AGBL1: variants seen among roughly 807,000 people sequenced by gnomAD.
The protein encoded by AGBL1 is cytosolic carboxypeptidase 4.
AGBL1 carries 130 observed loss-of-function variants against 118.9 expected under a neutral mutation model. That is an observed-to-expected ratio of 1.09 (90% CI 0.95 to 1.26). The LOEUF (loss-of-function observed/expected upper bound fraction) is 1.26. AGBL1 is among the 50% of genes most tolerant of loss of function. The pLI, the probability that AGBL1 is intolerant of heterozygous loss-of-function variation, is 0.00. For synonymous variants in AGBL1, 555 were observed against 478.9 expected, an observed-to-expected ratio of 1.16 and a Z score of -2.08; for missense variants, 1,584 against 1,298.1, an observed-to-expected ratio of 1.22 and a Z score of -3.38.
chr15:86,247,825 C>T lies in AGBL1; in HGVS notation c.681C>T (p.Gly227=). ...CLRHIAALRS[G]REAFLAAQGM... ...GGCACATTGCTGCCCTCCGGTCCGG[C>T]AGGGAGGCCTTCCTGGCAGCACAGG... The change falls in exon 7 of 23, where the codon GGC becomes GGT. Residue 227 remains glycine (G), a synonymous_variant. Coordinates refer to ENST00000614907, the MANE Select transcript of AGBL1 (RefSeq NM_001386094.1). 1 of 1,613,968 alleles carries T rather than the reference C, an allele frequency of 6.2e-7. No homozygotes were observed. Among genetic ancestry groups the T allele is most frequent in the South Asian group, 1.1e-5 (1 of 91,082 alleles).
At chr15:86,258,540 A>C (rs2142018029) in intron 9 of AGBL1, among the ~76,000 whole-genome samples, 1 of 152,292 alleles carries the variant, frequency 6.6e-6, no homozygotes, top group East Asian at 1.9e-4. Context: ...CCCTCCCAAA[A>C]AGGCCTATTC....
intron 23 of AGBL1, among the ~76,000 whole-genome samples, chr15:86,979,500 CG>C (rs201471702): frequency 1.4e-5 from 2 of 146,068 alleles, no homozygotes; most frequent in East Asian, 2.0e-4. Context: ...TTTTTTTTGG[CG>C]GGGGGGAGAT....
rs34530266 is a variant in AGBL1, at chr15:86,739,443, CAAAAAA to C, written c.3158+65024_3158+65029del. ...GGGCAACAAGAGCGAAACTCCATCTCAAAAAAAAAAAAAAAAAAAAAAGTAAAAGAG... is the reference window on the plus strand; with the variant it reads ...GGGCAACAAGAGCGAAACTCCATCTCAAAAAAAAAAAAAAAAGTAAAAGAG... On this transcript the variant is annotated intron_variant, in intron 22 of 22. Transcript: ENST00000614907. Among the ~76,000 whole-genome samples, 25 of 66,612 alleles carry C rather than the reference CAAAAAA, an allele frequency of 3.8e-4. No homozygotes were observed. The East Asian group carries it at 8.3e-3, about 22-fold the overall frequency. The allele number at this position is 66,612 out of a possible 152,430, so 43.7% of individuals were successfully genotyped here. A position where few individuals can be genotyped will look rare whatever the true frequency, so the allele number is the denominator to read the frequency against.
chr15:86,680,074 A>G (rs1400073743), intron 22 of AGBL1, among the ~76,000 whole-genome samples: 2 of 152,186 alleles, frequency 1.3e-5, no homozygotes, highest in African/African-American at 2.4e-5. Flanking sequence ...TGCCTGTAAA[A>G]TCATCTGTGT....
intron 18 of AGBL1, among the ~76,000 whole-genome samples, chr15:86,452,781 A>G (rs891907487): frequency 6.6e-6 from 1 of 151,940 alleles, no homozygotes. Flanking sequence ...CACCCTTGCT[A>G]TTTCTGCCCA....
At chr15:86,483,132 C>T (rs1171309359) in intron 18 of AGBL1, among the ~76,000 whole-genome samples, 2 of 152,084 alleles carry the variant, frequency 1.3e-5, no homozygotes, top group East Asian at 3.9e-4. Context: ...CTGCATGCCT[C>T]TCCATGGGGC....
chr15:86,139,652 G>A (rs2076935331), intron 1 of AGBL1, among the ~76,000 whole-genome samples: 2 of 152,060 alleles, frequency 1.3e-5, no homozygotes, highest in Admixed American at 6.5e-5. Context: ...AGTATCTAGG[G>A]ATCCCTAGAG....
chr15:86,119,281 G>C (rs776484370), intron 1 of AGBL1, among the ~76,000 whole-genome samples: 1 of 151,882 alleles, frequency 6.6e-6, no homozygotes, highest in Non-Finnish European at 1.5e-5. Context: ...TGTGTCTCCT[G>C]AGTGAACTGG....
rs531338983 is a variant in AGBL1 at position 86,363,029 on chromosome 15, G to C, written c.2375-34337G>C. Among the ~76,000 whole-genome samples, 229 of 152,306 alleles carry C rather than the reference G, an allele frequency of 1.5e-3. 1 individual carries two copies. The highest frequency in any genetic ancestry group is 5.3e-3 in the African/African-American group (219 of 41,560). ...GCTGGTTGCAGGATGGTGGCCAAGT[G>C]AGGCTGGAGCTGAGTCTACAGGGGA... On this transcript the variant is annotated intron_variant, in intron 17 of 22. Coordinates refer to ENST00000614907, the MANE Select transcript of AGBL1 (RefSeq NM_001386094.1).
intron 5 of AGBL1, among the ~76,000 whole-genome samples, chr15:86,171,875 A>G (rs1298816255): frequency 6.6e-6 from 1 of 152,236 alleles, no homozygotes. Flanking sequence ...AAGAAACAAA[A>G]TAGTGGCATT....
intron 21 of AGBL1, among the ~76,000 whole-genome samples, chr15:86,662,978 A>G (rs1484107670): frequency 1.3e-5 from 2 of 152,218 alleles, no homozygotes; most frequent in Non-Finnish European, 2.9e-5. Flanking sequence ...TCATCTTCCA[A>G]GAACACTGGA....
chr15:86,100,813 A>C (rs1344272969), intron 1 of AGBL1, among the ~76,000 whole-genome samples: 2 of 152,080 alleles, frequency 1.3e-5, no homozygotes, highest in Non-Finnish European at 2.9e-5. Context: ...TCTTTCAAAA[A>C]ATGAAATTTT....
chr15:86,927,922 A>G (rs2080562357), intron 23 of AGBL1, among the ~76,000 whole-genome samples: 2 of 125,806 alleles, frequency 1.6e-5, no homozygotes, highest in South Asian at 7.1e-4. Context: ...GCAAATTCAT[A>G]GTTTTATATA....
chr15:86,613,382 A>C lies in AGBL1; in HGVS notation c.2994+58845A>C, dbSNP rs2084683014. ...GTAGGACACCGGTTGGTGCGTGGAC[A>C]GTTAGTGGGTGAGAAGACAGTGTCT... On this transcript the variant is annotated intron_variant, in intron 21 of 22. Coordinates refer to ENST00000614907, the MANE Select transcript of AGBL1 (RefSeq NM_001386094.1). The surrounding 1 kb of genome is among the most constrained non-coding windows in gnomAD (Gnocchi z 4.2). 6.6e-6 allele frequency among the ~76,000 whole-genome samples: 1 copy of C among 152,160 alleles called. No homozygotes were observed. Among genetic ancestry groups the C allele is most frequent in the Non-Finnish European group, 1.5e-5 (1 of 68,038 alleles).
At chr15:86,929,710 CG>C (rs2141633238) in intron 23 of AGBL1, among the ~76,000 whole-genome samples, 1 of 152,258 alleles carries the variant, frequency 6.6e-6, no homozygotes, top group East Asian at 1.9e-4. Context: ...CAGAGGAATC[CG>C]GGCTTTCCAG....
chr15:86,856,359 C>T (rs1431124580), intron 22 of AGBL1, among the ~76,000 whole-genome samples: 1 of 152,170 alleles, frequency 6.6e-6, no homozygotes, highest in Non-Finnish European at 1.5e-5. Context: ...CTTCAATGAT[C>T]TTCTCCATGG....
At chr15:86,206,155 A>T (rs2077988709) in intron 5 of AGBL1, among the ~76,000 whole-genome samples, 1 of 151,996 alleles carries the variant, frequency 6.6e-6, no homozygotes, top group East Asian at 1.9e-4. Flanking sequence ...TCCTTTTTTT[A>T]TGGCTGCATA....
At chr15:86,553,098 T>C (rs1369593006) in intron 20 of AGBL1, among the ~76,000 whole-genome samples, 1 of 152,210 alleles carries the variant, frequency 6.6e-6, no homozygotes, top group African/African-American at 2.4e-5. Flanking sequence ...TAACTTGTTA[T>C]GCTTCTCTAC....
chr15:86,758,182 G>C (rs11073669), intron 22 of AGBL1, among the ~76,000 whole-genome samples: 42,967 of 151,902 alleles, frequency 0.28, 6,232 homozygotes, highest in East Asian at 0.32. Context: ...CCTGCCACAT[G>C]TGATACCATA....
Sources: gnomAD v4.1 joint callset for allele counts (sites outside exome capture counted in the v4.1 genomes callset) on GRCh38, gnomAD v4.1.1 for gene constraint, Gnocchi (gnomAD v3.1) non-coding constraint, MANE v1.5 for transcripts, NCBI Gene and HGNC (gene_info 2026-07-23, HGNC 2026-07-21) for gene names.